The following THSD7B variants were observed in gnomAD, a reference collection of about 807,000 sequenced individuals.
THSD7B encodes thrombospondin type 1 domain containing 7B.
In THSD7B, 138 loss-of-function variants were observed where a neutral mutation model predicts 213.6. The ratio of observed to expected loss-of-function variants is 0.65; its 90% CI spans 0.56 to 0.74. The LOEUF (loss-of-function observed/expected upper bound fraction) is 0.74, where lower values mean the gene tolerates loss of function less well. Ranked by LOEUF, THSD7B falls within the 30% of genes least tolerant of loss-of-function variation. The pLI, the probability that THSD7B is intolerant of heterozygous loss-of-function variation, is 0.00. For missense variants in THSD7B, 1,931 were observed against 1,991.5 expected (o/e 0.97, Z 0.58); for synonymous variants, 742 against 687.0 (o/e 1.08, Z -1.25).
chr2:136,778,223 G>T (rs867905395), intron 1 of THSD7B, among the ~76,000 whole-genome samples: 1 of 152,050 alleles, frequency 6.6e-6, no homozygotes, highest in Non-Finnish European at 1.5e-5. Context: ...TCTGTCATTA[G>T]ATCCACATGG....
At chr2:136,814,634 G>A (rs983750841) in intron 1 of THSD7B, among the ~76,000 whole-genome samples, 1 of 152,138 alleles carries the variant, frequency 6.6e-6, no homozygotes, top group African/African-American at 2.4e-5. Flanking sequence ...TCCTGACCTC[G>A]TGATCTGCCC....
chr2:137,074,779 T>C (rs35372574), intron 3 of THSD7B, among the ~76,000 whole-genome samples: 14,713 of 152,252 alleles, frequency 0.097, 977 homozygotes, highest in African/African-American at 0.19. Context: ...AGGGCAGGCC[T>C]GGTGGTGACA....
chr2:136,806,664 G>A (rs1682287546), intron 1 of THSD7B, among the ~76,000 whole-genome samples: 1 of 152,118 alleles, frequency 6.6e-6, no homozygotes, highest in Admixed American at 6.5e-5. Flanking sequence ...CATCAACTAT[G>A]GCACATTTGA....
intron 2 of THSD7B, among the ~76,000 whole-genome samples, chr2:136,941,304 C>T (rs769676451): frequency 9.2e-5 from 14 of 152,046 alleles, no homozygotes; most frequent in Admixed American, 2.0e-4. Context: ...TGAATAGTGC[C>T]GCAGTAAGCA....
At chr2:137,484,186 A>G (rs535281488) in intron 15 of THSD7B, among the ~76,000 whole-genome samples, 2 of 116,032 alleles carry the variant, frequency 1.7e-5, no homozygotes, top group South Asian at 3.2e-4. Context: ...CCACCACACA[A>G]CAGTCCCCAG....
chr2:137,168,003 G>A (rs1192083621), intron 6 of THSD7B, among the ~76,000 whole-genome samples: 2 of 152,204 alleles, frequency 1.3e-5, no homozygotes, highest in Non-Finnish European at 2.9e-5. Flanking sequence ...CAGTAATAAT[G>A]CACCTTTGGA....
intron 9 of THSD7B, 119 bp from the exon 10 acceptor site, chr2:137,242,338 C>A: frequency 1.4e-6 from 1 of 706,688 alleles, no homozygotes; most frequent in Non-Finnish European, 2.4e-6. Context: ...AGTCTCTCTT[C>A]CCTCACCTAT....
At chr2:137,549,007 A>G (rs1680791474) in intron 15 of THSD7B, among the ~76,000 whole-genome samples, 1 of 152,062 alleles carries the variant, frequency 6.6e-6, no homozygotes, top group Non-Finnish European at 1.5e-5. Flanking sequence ...ACTGAGAATA[A>G]CAGGGAGTTA....
chr2:137,322,185 C>A (rs1257217852), intron 12 of THSD7B, among the ~76,000 whole-genome samples: 1 of 152,172 alleles, frequency 6.6e-6, no homozygotes, highest in East Asian at 1.9e-4. Context: ...GGTGTAAGAT[C>A]ATAATTTAAG....
At chr2:137,334,520 C>T (rs543119546) in intron 12 of THSD7B, among the ~76,000 whole-genome samples, 27 of 152,242 alleles carry the variant, frequency 1.8e-4, no homozygotes, top group African/African-American at 6.5e-4. Context: ...TCAATATTAA[C>T]TCCTCTGCAT....
intron 2 of THSD7B, among the ~76,000 whole-genome samples, chr2:136,891,407 C>A (rs1276471306): frequency 6.6e-6 from 1 of 152,122 alleles, no homozygotes; most frequent in African/African-American, 2.4e-5. Flanking sequence ...GGAGAGCTGG[C>A]TTTTTTATTA....
chr2:137,676,524 C>A lies in THSD7B; in HGVS notation c.4740C>A (p.Cys1580Ter). 6.3e-7 allele frequency: 1 copy of A among 1,590,580 alleles called. No homozygotes were observed. Among genetic ancestry groups the A allele is most frequent in the Admixed American group, 1.8e-5 (1 of 55,636 alleles). The part of the protein sequence containing the change: ...IFLIFTSYLV[C>*]KKPKPHQSTP... ...CTGAGGAATTTTTTTCCCTTTGCAG[C>A]AAGAAGCCAAAACCACATCAAAGCA... The change falls in exon 28 of 28, where the codon TGC (cysteine) becomes TGA (stop). Residue 1580 changes from cysteine (C) to a stop codon, truncating the protein, a stop_gained and splice_region_variant. Transcript: ENST00000409968. LOFTEE classifies it high-confidence loss of function.
chr2:137,230,325 C>CA (rs1681607548), intron 7 of THSD7B, among the ~76,000 whole-genome samples: 1 of 152,036 alleles, frequency 6.6e-6, no homozygotes, highest in Non-Finnish European at 1.5e-5. Flanking sequence ...ATAGTATTTA[C>CA]AGAAAGGTAC....
intron 5 of THSD7B, among the ~76,000 whole-genome samples, chr2:137,120,196 GT>G (rs1427775799): frequency 1.3e-5 from 2 of 152,100 alleles, no homozygotes; most frequent in African/African-American, 4.8e-5. Flanking sequence ...GAGAGATAAG[GT>G]TCTTGGCTTG....
At chr2:136,876,648 A>G (rs1683529749) in intron 1 of THSD7B, among the ~76,000 whole-genome samples, 1 of 152,242 alleles carries the variant, frequency 6.6e-6, no homozygotes, top group Non-Finnish European at 1.5e-5. Context: ...GTGAACTTAC[A>G]TTATAAGTGT....
At chr2:137,613,487 T>G (rs1682325001) in intron 17 of THSD7B, among the ~76,000 whole-genome samples, 1 of 152,148 alleles carries the variant, frequency 6.6e-6, no homozygotes, top group African/African-American at 2.4e-5. Context: ...AACTTTAAGG[T>G]AAATGCTGCT....
At chr2:137,078,999 T>A (rs1370427792) in intron 3 of THSD7B, among the ~76,000 whole-genome samples, 2 of 152,164 alleles carry the variant, frequency 1.3e-5, no homozygotes, top group East Asian at 3.9e-4. Context: ...AATCTACTGA[T>A]GTTTTCTTTG....
rs973475058 is a variant in THSD7B at position 137,634,601 on chromosome 2, A to G, written c.3800-7887A>G. 2.6e-5 allele frequency among the ~76,000 whole-genome samples: 4 copies of G among 152,218 alleles called. No homozygotes were observed. In the East Asian group the frequency reaches 7.7e-4, roughly 29 times the overall value. On this transcript the variant is annotated intron_variant, in intron 20 of 27. Coordinates refer to ENST00000409968, the MANE Select transcript of THSD7B (RefSeq NM_001316349.2). ...CTACCAAAAACATAATTTCCAGTAAATTCAATGACTATGTGTCAGGGCCAC... is the reference window on the plus strand; with the variant it reads ...CTACCAAAAACATAATTTCCAGTAAGTTCAATGACTATGTGTCAGGGCCAC...
At chr2:136,777,593 G>A (rs1263484522) in intron 1 of THSD7B, among the ~76,000 whole-genome samples, 2 of 152,098 alleles carry the variant, frequency 1.3e-5, no homozygotes, top group Non-Finnish European at 2.9e-5. Flanking sequence ...GAACGGACTG[G>A]CAAAGTTCCC....
Sources: allele counts gnomAD v4.1 joint callset (sites outside exome capture counted in the v4.1 genomes callset), GRCh38; gene constraint gnomAD v4.1.1; transcripts MANE v1.5; gene names NCBI Gene and HGNC (gene_info 2026-07-23, HGNC 2026-07-21).